Variants in MBTD1 observed in about 807,000 individuals in gnomAD.
The protein encoded by MBTD1 is mbt domain containing 1.
In MBTD1, 24 loss-of-function variants were observed where a neutral mutation model predicts 87.8. That is an observed-to-expected ratio of 0.27 (90% CI 0.20 to 0.38). The LOEUF is 0.38. Among genes scored for constraint, MBTD1 ranks in the 10% least tolerant of loss-of-function variants. The pLI is 1.00. For missense variants in MBTD1, 436 were observed against 760.2 expected, an observed-to-expected ratio of 0.57 and a Z score of 5.02; for synonymous variants, 237 against 248.6, an observed-to-expected ratio of 0.95 and a Z score of 0.44.
chr17:51,180,554 C>T lies in MBTD1; in HGVS notation c.*22G>A, dbSNP rs763555815. Reference sequence around the variant, plus strand: ...GTCCTGTGTAAAATCCTTCCCCACCCGCCCTCAGTTTCTAAGCCACCTCAT... The same window carrying T: ...GTCCTGTGTAAAATCCTTCCCCACCTGCCCTCAGTTTCTAAGCCACCTCAT... On this transcript the variant is annotated 3_prime_UTR_variant, in exon 17 of 17. Coordinates refer to ENST00000586178, the MANE Select transcript of MBTD1 (RefSeq NM_017643.3). 1.5e-5 allele frequency: 19 copies of T among 1,307,492 alleles called. No homozygotes were observed. The highest frequency in any genetic ancestry group is 2.5e-5 in the East Asian group (1 of 39,842). 81.0% of individuals were successfully genotyped at this position (1,307,492 alleles called of 1,614,324 possible).
chr17:51,247,565 C>T (rs2054521486), intron 2 of MBTD1, among the ~76,000 whole-genome samples: 1 of 152,076 alleles, frequency 6.6e-6, no homozygotes, highest in African/African-American at 2.4e-5. Context: ...CCTCCCACCC[C>T]AGCCTCCCAA....
At chr17:51,193,993 T>C (rs1279055585) in intron 13 of MBTD1, among the ~76,000 whole-genome samples, 1 of 152,204 alleles carries the variant, frequency 6.6e-6, no homozygotes, top group African/African-American at 2.4e-5. Flanking sequence ...CTAGAAACAC[T>C]GGTGTGCCTA....
chr17:51,215,135 G>GA (rs1165814601), intron 6 of MBTD1, among the ~76,000 whole-genome samples: 1 of 152,176 alleles, frequency 6.6e-6, no homozygotes, highest in Non-Finnish European at 1.5e-5. Context: ...AATGGAACAG[G>GA]AAGGCACTGG....
intron 6 of MBTD1, among the ~76,000 whole-genome samples, chr17:51,211,931 A>G (rs1189525083): frequency 6.6e-6 from 1 of 152,218 alleles, no homozygotes; most frequent in Non-Finnish European, 1.5e-5. Flanking sequence ...ACCTAAAAGT[A>G]TATGGGATAC....
In MBTD1 at chr17:51,179,523, T is replaced by TTC. The variant is rs1205398109; in HGVS notation, c.*1052_*1053insGA. The TTC allele has an allele frequency of 1.8e-5, 2 of 109,188 alleles. No homozygotes were observed. Among genetic ancestry groups the TTC allele is most frequent in the African/African-American group, 6.9e-5 (2 of 29,152 alleles). The allele number at this position is 109,188 out of a possible 1,614,324, so 6.8% of individuals were successfully genotyped here. A position where few individuals can be genotyped will look rare whatever the true frequency, so the allele number is the denominator to read the frequency against. On this transcript the variant is annotated 3_prime_UTR_variant, in exon 17 of 17. Transcript: ENST00000586178. ...ATATATATATATATATATATATATATATATATATATATATGGAATTTTAAG... is the reference window on the plus strand; with the variant it reads ...ATATATATATATATATATATATATATTCATATATATATATATGGAATTTTAAG...
intron 2 of MBTD1, among the ~76,000 whole-genome samples, chr17:51,237,335 A>G (rs1382643799): frequency 6.6e-6 from 1 of 151,962 alleles, no homozygotes; most frequent in African/African-American, 2.4e-5. Context: ...AAAATTTCAT[A>G]AACTACATTT....
rs1040250727 is a variant in MBTD1 at position 51,178,205 on chromosome 17, T to A, written c.*2371A>T. 4 of 152,174 alleles carry A rather than the reference T, an allele frequency of 2.6e-5. No homozygotes were observed. Among genetic ancestry groups the A allele is most frequent in the African/African-American group, 9.7e-5 (4 of 41,434 alleles). The allele number at this position is 152,174 out of a possible 1,614,324, so 9.4% of individuals were successfully genotyped here. On this transcript the variant is annotated 3_prime_UTR_variant, in exon 17 of 17. Coordinates refer to ENST00000586178, the MANE Select transcript of MBTD1 (RefSeq NM_017643.3). ...ACTGGAGTTATGGCTAAGACATAAA[T>A]CTCCTCTGCATTAATTATTTTTCGG...
intron 16 of MBTD1, among the ~76,000 whole-genome samples, chr17:51,190,252 T>C (rs1208510438): frequency 6.6e-6 from 1 of 152,168 alleles, no homozygotes; most frequent in Non-Finnish European, 1.5e-5. Context: ...TCCTCAAGTA[T>C]ACTTTTACAT....
At chr17:51,258,272 G>A (rs751368077) in intron 2 of MBTD1, among the ~76,000 whole-genome samples, 1 of 152,172 alleles carries the variant, frequency 6.6e-6, no homozygotes, top group Non-Finnish European at 1.5e-5. Context: ...ACATTAGAGA[G>A]TAATAGGTAT....
chr17:51,186,162 G>A, intron 16 of MBTD1: 1 of 152,664 alleles, frequency 6.6e-6, no homozygotes, highest in East Asian at 1.9e-4. Context: ...CACCCCACCT[G>A]TCATGGGCAG....
intron 2 of MBTD1, among the ~76,000 whole-genome samples, chr17:51,242,251 TTA>T (rs1433823467): frequency 6.6e-6 from 1 of 152,192 alleles, no homozygotes; most frequent in African/African-American, 2.4e-5. Flanking sequence ...TTTTAGAAAA[TTA>T]TGAGTTCACA....
chr17:51,255,795 G>C (rs918990584), intron 2 of MBTD1, among the ~76,000 whole-genome samples: 1 of 151,852 alleles, frequency 6.6e-6, no homozygotes, highest in Non-Finnish European at 1.5e-5. Context: ...ACAGGGTTTC[G>C]CCATGTTGCC....
intron 10 of MBTD1, 28 bp from the exon 11 acceptor site, chr17:51,202,105 G>A (rs778476899): frequency 1.5e-5 from 22 of 1,463,012 alleles, no homozygotes; most frequent in Non-Finnish European, 2.9e-6. Flanking sequence ...ACACTAATCT[G>A]TCAGCATTTG....
chr17:51,242,304 T>C (rs1028052223), intron 2 of MBTD1, among the ~76,000 whole-genome samples: 1 of 152,216 alleles, frequency 6.6e-6, no homozygotes, highest in African/African-American at 2.4e-5. Context: ...AGGGTTTTTT[T>C]CTCACTTTCC....
chr17:51,234,898 T>C (rs1191656787), intron 2 of MBTD1, among the ~76,000 whole-genome samples: 3 of 152,038 alleles, frequency 2.0e-5, no homozygotes, highest in African/African-American at 7.2e-5. Flanking sequence ...AGTTTCTCCA[T>C]GTTGGTCAGG....
intron 16 of MBTD1, chr17:51,184,034 A>G (rs1468794605): frequency 6.6e-6 from 1 of 152,254 alleles, no homozygotes; most frequent in Admixed American, 6.5e-5. Context: ...AATATGCATT[A>G]CTGCTAACAA....
chr17:51,179,530 A>T lies in MBTD1; in HGVS notation c.*1046T>A, dbSNP rs1391711598. The T allele has an allele frequency of 1.8e-4, 19 of 104,494 alleles. No individual in the cohort carries two copies. Among genetic ancestry groups the T allele is most frequent in the Non-Finnish European group, 3.1e-4 (15 of 48,228 alleles). 6.5% of individuals were successfully genotyped at this position (104,494 alleles called of 1,614,324 possible). A position where few individuals can be genotyped will look rare whatever the true frequency, so the allele number is the denominator to read the frequency against. On this transcript the variant is annotated 3_prime_UTR_variant, in exon 17 of 17. Coordinates refer to ENST00000586178, the MANE Select transcript of MBTD1 (RefSeq NM_017643.3). ...TATATATATATATATATATATATAT[A>T]TATATATGGAATTTTAAGAAAATTA... is the stretch of plus-strand genomic sequence containing the variant.
At chr17:51,257,168 C>T (rs1216930345) in intron 2 of MBTD1, among the ~76,000 whole-genome samples, 3 of 152,190 alleles carry the variant, frequency 2.0e-5, no homozygotes, top group Admixed American at 1.3e-4. Context: ...AATATCTTAG[C>T]TTGTTTTAAC....
rs1216139425 is a variant in MBTD1, at chr17:51,179,506, A to ATTTATATT, written c.*1069_*1070insAATATAAA. ...ATTTTATATATATATATATATATAT[A>ATTTATATT]TATATATATATATATATATATATAT... On this transcript the variant is annotated 3_prime_UTR_variant, in exon 17 of 17. Coordinates refer to ENST00000586178, the MANE Select transcript of MBTD1 (RefSeq NM_017643.3). 33 of 82,312 alleles carry ATTTATATT rather than the reference A, an allele frequency of 4.0e-4. No individual in the cohort carries two copies. Among genetic ancestry groups the ATTTATATT allele is most frequent in the African/African-American group, 1.1e-3 (23 of 21,606 alleles). 5.1% of individuals were successfully genotyped at this position (82,312 alleles called of 1,614,324 possible).
Sources: allele counts gnomAD v4.1 joint callset (sites outside exome capture counted in the v4.1 genomes callset), GRCh38; gene constraint gnomAD v4.1.1; transcripts MANE v1.5; gene names NCBI Gene and HGNC (gene_info 2026-07-23, HGNC 2026-07-21).